TPD52L1: variants seen among roughly 807,000 people sequenced by gnomAD.
TPD52L1 encodes TPD52 like 1, also known as tumor protein D53.
In TPD52L1, 18 loss-of-function variants were observed where a neutral mutation model predicts 28.7. That is an observed-to-expected ratio of 0.63 (90% CI 0.43 to 0.93). The LOEUF (loss-of-function observed/expected upper bound fraction) is 0.93, where lower values mean the gene tolerates loss of function less well. Among genes scored for constraint, TPD52L1 ranks in the 40% least tolerant of loss-of-function variants. The pLI is 0.00. For synonymous variants in TPD52L1, 75 were observed against 88.8 expected (o/e 0.84, Z 0.88); for missense variants, 203 against 254.8 (o/e 0.80, Z 1.39).
intron 1 of TPD52L1, 82 bp from the exon 2 acceptor site, chr6:125,219,996 C>A (rs754937028): frequency 2.1e-6 from 2 of 966,504 alleles, no homozygotes; most frequent in African/African-American, 1.6e-5. Context: ...GTCAGTGCAT[C>A]TAGTCCTCCA....
intron 1 of TPD52L1, among the ~76,000 whole-genome samples, chr6:125,154,739 G>A (rs914057269): frequency 3.3e-5 from 5 of 152,128 alleles, no homozygotes; most frequent in African/African-American, 1.2e-4. Context: ...TAAACGGACC[G>A]TGGAAAGGGG....
At chr6:125,217,797 G>A (rs542784652) in intron 1 of TPD52L1, among the ~76,000 whole-genome samples, 1 of 152,164 alleles carries the variant, frequency 6.6e-6, no homozygotes, top group East Asian at 1.9e-4. Flanking sequence ...ATTCCTAAGT[G>A]ATATTTTAGT....
intron 6 of TPD52L1, chr6:125,261,901 C>T (rs1352271324): frequency 6.6e-6 from 1 of 152,108 alleles, no homozygotes; most frequent in Non-Finnish European, 1.5e-5. Context: ...CCATTTCACG[C>T]TGCTGTGAAG....
chr6:125,165,092 A>ATATTTATATATATATACATATATT (rs1790791862), intron 1 of TPD52L1, among the ~76,000 whole-genome samples: 1 of 104,194 alleles, frequency 9.6e-6, no homozygotes, highest in African/African-American at 6.1e-5. Context: ...AAAGATATAT[A>ATATTTATATATATATACATATATT]TATATATTTT....
chr6:125,209,708 C>T (rs1794375817), intron 1 of TPD52L1, among the ~76,000 whole-genome samples: 1 of 152,088 alleles, frequency 6.6e-6, no homozygotes, highest in Non-Finnish European at 1.5e-5. Context: ...TGCCCCACAC[C>T]TGGCTCTCTT....
At chr6:125,179,928 C>G (rs80216357) in intron 1 of TPD52L1, among the ~76,000 whole-genome samples, 49 of 152,232 alleles carry the variant, frequency 3.2e-4, no homozygotes, top group African/African-American at 1.2e-3. Context: ...CTGTGTTGCT[C>G]TGGGGAGCAT....
intron 1 of TPD52L1, among the ~76,000 whole-genome samples, chr6:125,216,527 G>GTATA (rs1331931374): frequency 8.5e-4 from 34 of 40,164 alleles, no homozygotes; most frequent in African/African-American, 2.1e-3. Flanking sequence ...CAGTATGTGT[G>GTATA]TGTATATATA....
chr6:125,174,679 G>A (rs1193543943), intron 1 of TPD52L1, among the ~76,000 whole-genome samples: 1 of 152,226 alleles, frequency 6.6e-6, no homozygotes, highest in Non-Finnish European at 1.5e-5. Context: ...CAGGTTAAAT[G>A]TTTTGCTTAC....
At chr6:125,193,729 C>G (rs1562258024) in intron 1 of TPD52L1, among the ~76,000 whole-genome samples, 1 of 151,988 alleles carries the variant, frequency 6.6e-6, no homozygotes, top group Non-Finnish European at 1.5e-5. Context: ...TATATTAATT[C>G]ATGTGTGTAT....
chr6:125,210,373 C>A (rs1056631925), intron 1 of TPD52L1, among the ~76,000 whole-genome samples: 1 of 152,198 alleles, frequency 6.6e-6, no homozygotes, highest in Non-Finnish European at 1.5e-5. Flanking sequence ...AAAATCCCAA[C>A]AGAGGAATCC....
intron 1 of TPD52L1, chr6:125,154,217 C>A: frequency 7.4e-7 from 1 of 1,344,678 alleles, no homozygotes; most frequent in South Asian, 1.8e-5. Flanking sequence ...GAAATGCGCC[C>A]GTGGAATGCT....
chr6:125,250,184 A>T (rs1360737896), intron 4 of TPD52L1, among the ~76,000 whole-genome samples: 1 of 152,162 alleles, frequency 6.6e-6, no homozygotes, highest in South Asian at 2.1e-4. Flanking sequence ...AACCCTGGGA[A>T]CTCCAGCATG....
At chr6:125,174,019 G>A (rs996566278) in intron 1 of TPD52L1, among the ~76,000 whole-genome samples, 4 of 152,160 alleles carry the variant, frequency 2.6e-5, no homozygotes, top group African/African-American at 9.7e-5. Context: ...CCTTATTAGC[G>A]ATGTGACCTT....
chr6:125,208,997 G>T, intron 1 of TPD52L1: 1 of 965,548 alleles, frequency 1.0e-6, no homozygotes, highest in Non-Finnish European at 1.2e-6. Flanking sequence ...TGTCTTCAGA[G>T]TCTCAAAATC....
intron 3 of TPD52L1, among the ~76,000 whole-genome samples, chr6:125,240,238 A>T (rs1796540528): frequency 6.6e-6 from 1 of 152,148 alleles, no homozygotes; most frequent in South Asian, 2.1e-4. Flanking sequence ...CTTGTAGTAT[A>T]GTTTGAAGTC....
At chr6:125,243,847 C>T (rs1054143707) in intron 3 of TPD52L1, among the ~76,000 whole-genome samples, 1 of 152,050 alleles carries the variant, frequency 6.6e-6, no homozygotes, top group Non-Finnish European at 1.5e-5. Context: ...GTTAGTGTGA[C>T]CTTTCATGGG....
At chr6:125,218,997 A>ACC (rs1210772632) in intron 1 of TPD52L1, among the ~76,000 whole-genome samples, 1 of 152,238 alleles carries the variant, frequency 6.6e-6, no homozygotes, top group East Asian at 1.9e-4. Flanking sequence ...GGAAAAAGAA[A>ACC]GGACAGACTC....
At chr6:125,260,820 AGAAGAAAG>A (rs933464701) in intron 6 of TPD52L1, among the ~76,000 whole-genome samples, 3 of 143,862 alleles carry the variant, frequency 2.1e-5, no homozygotes, top group Non-Finnish European at 4.5e-5. Context: ...AAAGAAAGAA[AGAAGAAAG>A]GAAGAAAGGA....
intron 2 of TPD52L1, among the ~76,000 whole-genome samples, chr6:125,226,468 C>T (rs1359631094): frequency 6.6e-6 from 1 of 152,072 alleles, no homozygotes; most frequent in African/African-American, 2.4e-5. Flanking sequence ...TCACTCCCCA[C>T]CTCCAGATAA....
Sources: allele counts gnomAD v4.1 joint callset (sites outside exome capture counted in the v4.1 genomes callset), GRCh38; gene constraint gnomAD v4.1.1; transcripts MANE v1.5; gene names NCBI Gene and HGNC (gene_info 2026-07-23, HGNC 2026-07-21).